The following TNS3 variants were observed in gnomAD, a reference collection of about 807,000 sequenced individuals.
The protein encoded by TNS3 is tensin-3.
A neutral mutation model predicts 140.9 loss-of-function variants in TNS3; 45 were observed. That is an observed-to-expected ratio of 0.32 (90% CI 0.25 to 0.41). The LOEUF (loss-of-function observed/expected upper bound fraction) is 0.41, where lower values mean the gene tolerates loss of function less well. TNS3 is among the 10% of genes least tolerant of loss of function. The pLI, the probability that TNS3 is intolerant of heterozygous loss-of-function variation, is 1.00. For synonymous variants in TNS3, 815 were observed against 788.4 expected, an observed-to-expected ratio of 1.03 and a Z score of -0.56; for missense variants, 1,716 against 1,906.7, an observed-to-expected ratio of 0.90 and a Z score of 1.86.
intron 2 of TNS3, among the ~76,000 whole-genome samples, chr7:47,526,241 T>C (rs1001453892): frequency 6.6e-6 from 1 of 151,570 alleles, no homozygotes; most frequent in Non-Finnish European, 1.5e-5. Context: ...AAGGAAAAAT[T>C]ACTCCTCAAG....
At chr7:47,396,729 C>T in intron 16 of TNS3, 71 bp downstream of exon 16, 9 of 1,293,072 alleles carry the variant, frequency 7.0e-6, no homozygotes, top group Non-Finnish European at 9.0e-6. Context: ...CAAAATACTT[C>T]AGATATTTGA....
intron 2 of TNS3, among the ~76,000 whole-genome samples, chr7:47,508,971 T>C (rs780383586): frequency 2.3e-4 from 35 of 152,282 alleles, no homozygotes; most frequent in Middle Eastern, 3.4e-3. Context: ...GTGCAGCCTC[T>C]CCAGAGACCC....
intron 17 of TNS3, among the ~76,000 whole-genome samples, chr7:47,357,111 CTT>C (rs1790038766): frequency 1.3e-5 from 2 of 152,156 alleles, no homozygotes; most frequent in Admixed American, 1.3e-4. Flanking sequence ...AATTAATTAA[CTT>C]AAAAAATAAG....
rs1328334761 is a variant in TNS3 at position 47,380,217 on chromosome 7, C to T, written c.1025-10596G>A. On this transcript the variant is annotated intron_variant, in intron 16 of 30. Transcript: ENST00000311160. Reference sequence around the variant, plus strand: ...GTACTGACAGCAGGGCAGGCCAGGGCGGCTCCCCGGGCAGACCTCTCACAC... The same window carrying T: ...GTACTGACAGCAGGGCAGGCCAGGGTGGCTCCCCGGGCAGACCTCTCACAC... Among the ~76,000 whole-genome samples the T allele has an allele frequency of 5.9e-5, 9 of 152,250 alleles. No individual in the cohort carries two copies. The East Asian group carries it at 1.5e-3, about 26-fold the overall frequency.
chr7:47,315,983 G>C (rs7798507), intron 20 of TNS3, among the ~76,000 whole-genome samples: 56,931 of 151,988 alleles, frequency 0.37, 10,746 homozygotes, highest in South Asian at 0.47. Flanking sequence ...GAAGAAACTT[G>C]AGTTTTGTTA....
At chr7:47,525,099 A>G (rs1799143473) in intron 2 of TNS3, among the ~76,000 whole-genome samples, 1 of 152,206 alleles carries the variant, frequency 6.6e-6, no homozygotes, top group Non-Finnish European at 1.5e-5. Context: ...AGCATTAGCC[A>G]AACAGGACAG....
rs568444907 is a variant in TNS3 at position 47,382,310 on chromosome 7, G to A, written c.1025-12689C>T. Among the ~76,000 whole-genome samples, 9 of 152,154 alleles carry A rather than the reference G, an allele frequency of 5.9e-5. No homozygotes were observed. The East Asian group carries it at 1.2e-3, about 20-fold the overall frequency. On this transcript the variant is annotated intron_variant, in intron 16 of 30. Transcript: ENST00000311160. ...TCATGTGGATGACAGCTTTGTAAACGGGCTGCCATAAGCCTTTGTGAATAT... is the reference window on the plus strand; with the variant it reads ...TCATGTGGATGACAGCTTTGTAAACAGGCTGCCATAAGCCTTTGTGAATAT...
At chr7:47,578,771 A>G (rs1457288861) in intron 1 of TNS3, among the ~76,000 whole-genome samples, 3 of 152,224 alleles carry the variant, frequency 2.0e-5, no homozygotes, top group African/African-American at 7.2e-5. Flanking sequence ...TGGAGAGTCT[A>G]GTTTTCTGCT....
At chr7:47,425,318 AAACAAC>A (rs367840444) in intron 9 of TNS3, among the ~76,000 whole-genome samples, 22 of 152,030 alleles carry the variant, frequency 1.4e-4, no homozygotes, top group South Asian at 4.2e-4. Context: ...CTCCATCTCA[AAACAAC>A]AACAACAACA....
intron 20 of TNS3, among the ~76,000 whole-genome samples, chr7:47,313,928 T>C (rs1279471359): frequency 6.6e-6 from 1 of 152,218 alleles, no homozygotes; most frequent in Non-Finnish European, 1.5e-5. Flanking sequence ...GACCAGTTCC[T>C]GACCGGGTGA....
intron 4 of TNS3, among the ~76,000 whole-genome samples, chr7:47,462,304 G>T (rs1254564583): frequency 6.6e-6 from 1 of 152,116 alleles, no homozygotes; most frequent in African/African-American, 2.4e-5. Flanking sequence ...CTCTATTCCT[G>T]ACATAATGCA....
At chr7:47,542,056 A>T (rs1395443851) in intron 1 of TNS3, among the ~76,000 whole-genome samples, 1 of 151,812 alleles carries the variant, frequency 6.6e-6, no homozygotes, top group Non-Finnish European at 1.5e-5. Flanking sequence ...GCGTCGTGGG[A>T]TGGGAGACTC....
chr7:47,348,080 C>T (rs1029034571), intron 17 of TNS3, among the ~76,000 whole-genome samples: 5 of 152,250 alleles, frequency 3.3e-5, no homozygotes, highest in Admixed American at 3.3e-4. Context: ...CTCTTCAACA[C>T]ACACATGCAT....
chr7:47,558,706 G>T (rs1800259402), intron 1 of TNS3, among the ~76,000 whole-genome samples: 1 of 151,846 alleles, frequency 6.6e-6, no homozygotes, highest in Non-Finnish European at 1.5e-5. Context: ...CACTGCCTGG[G>T]GCCCCCCTCA....
rs183429175 is a variant in TNS3, at chr7:47,285,579, A to G, written c.3929-1714T>C. On this transcript the variant is annotated intron_variant, in intron 27 of 30. Coordinates refer to ENST00000311160, the MANE Select transcript of TNS3 (RefSeq NM_022748.12). ...CCATGTGAAACTGTGAGTCCATTAA[A>G]CCTCTTCTTCTTTATAAATTACCCA... 1.3e-3 allele frequency among the ~76,000 whole-genome samples: 199 copies of G among 151,560 alleles called. 1 individual carries two copies. The highest frequency in any genetic ancestry group is 8.8e-5 in the Non-Finnish European group (6 of 67,866).
intron 4 of TNS3, among the ~76,000 whole-genome samples, chr7:47,443,470 C>T (rs1283521033): frequency 6.6e-6 from 1 of 152,186 alleles, no homozygotes; most frequent in South Asian, 2.1e-4. Context: ...TAACCCAAAG[C>T]CTTTCACAGC....
At chr7:47,517,447 C>T (rs902064651) in intron 2 of TNS3, among the ~76,000 whole-genome samples, 1 of 152,150 alleles carries the variant, frequency 6.6e-6, no homozygotes, top group African/African-American at 2.4e-5. Flanking sequence ...AGAGCTCACC[C>T]GCAGGGACCT....
chr7:47,509,510 G>A (rs334502), intron 2 of TNS3, among the ~76,000 whole-genome samples: 98,057 of 151,930 alleles, frequency 0.65, 32,200 homozygotes, highest in Admixed American at 0.71. Context: ...TCTCGGGGAG[G>A]AACTGTAAGG....
intron 16 of TNS3, among the ~76,000 whole-genome samples, chr7:47,394,763 G>A (rs901356721): frequency 2.6e-5 from 4 of 152,200 alleles, no homozygotes; most frequent in Admixed American, 2.0e-4. Flanking sequence ...CTGTCTATAT[G>A]TTTTCTACAT....
Sources: allele counts gnomAD v4.1 joint callset (sites outside exome capture counted in the v4.1 genomes callset), GRCh38; gene constraint gnomAD v4.1.1; transcripts MANE v1.5; gene names NCBI Gene and HGNC (gene_info 2026-07-23, HGNC 2026-07-21).